The following ZYG11A variants were observed in gnomAD, a reference collection of about 807,000 sequenced individuals.
ZYG11A encodes zyg-11 family member A, cell cycle regulator.
ZYG11A carries 62 observed loss-of-function variants against 77.2 expected under a neutral mutation model. The observed-to-expected ratio is 0.80, with a 90% CI of 0.65 to 0.99. The LOEUF (loss-of-function observed/expected upper bound fraction) is 0.99, where lower values mean the gene tolerates loss of function less well. Ranked by LOEUF, ZYG11A falls within the 50% of genes least tolerant of loss-of-function variation. The pLI is 0.00. For synonymous variants in ZYG11A, 315 were observed against 324.6 expected, an observed-to-expected ratio of 0.97 and a Z score of 0.32; for missense variants, 828 against 896.8, an observed-to-expected ratio of 0.92 and a Z score of 0.98.
chr1:52,871,291 C>T (rs1222974636), intron 8 of ZYG11A, among the ~76,000 whole-genome samples: 1 of 152,102 alleles, frequency 6.6e-6, no homozygotes, highest in Non-Finnish European at 1.5e-5. Flanking sequence ...TCAGCCTCCT[C>T]ACGTTTTTAA....
chr1:52,867,634 T>G lies in ZYG11A; in HGVS notation c.1487T>G (p.Leu496Arg). The G allele has an allele frequency of 6.4e-7, 1 of 1,551,996 alleles. No homozygotes were observed. ...MAVSVTSILA[L>R]QLSPEQTAQL... ...GTGAGTGTCACCTCTATTCTGGCTC[T>G]GCAGGTTTGTGATTTCTTAAAGGCA... Residue 496 changes from leucine to arginine, a missense_variant, in exon 7 of 14, where the codon CTG (leucine) becomes CGG (arginine). Physicochemically the swap from Leu to Arg is moderately radical, Grantham distance 102. Coordinates refer to ENST00000371528, the MANE Select transcript of ZYG11A (RefSeq NM_001004339.3).
intron 13 of ZYG11A, among the ~76,000 whole-genome samples, chr1:52,888,056 C>G (rs966372562): frequency 1.3e-5 from 2 of 152,032 alleles, no homozygotes; most frequent in East Asian, 1.9e-4. Context: ...CAGCAAAAAT[C>G]AGAAAATGTA....
At chr1:52,845,457 C>T (rs1416610508) in intron 1 of ZYG11A, among the ~76,000 whole-genome samples, 1 of 151,734 alleles carries the variant, frequency 6.6e-6, no homozygotes. Flanking sequence ...AAGTGTGTGC[C>T]ACCATTTCCT....
At chr1:52,887,880 G>A (rs1008392599) in intron 13 of ZYG11A, among the ~76,000 whole-genome samples, 7 of 152,186 alleles carry the variant, frequency 4.6e-5, no homozygotes, top group East Asian at 1.9e-4. Flanking sequence ...AGAATTTTCC[G>A]TTGATATCCT....
chr1:52,886,882 G>C (rs1301429485), intron 12 of ZYG11A, 74 bp from the exon 13 acceptor site: 2 of 626,222 alleles, frequency 3.2e-6, no homozygotes, highest in African/African-American at 3.7e-5. Flanking sequence ...TAATTATATA[G>C]TACAAATTAT....
chr1:52,846,256 G>C (rs947497507), intron 1 of ZYG11A, among the ~76,000 whole-genome samples: 12 of 141,382 alleles, frequency 8.5e-5, no homozygotes, highest in Non-Finnish European at 1.5e-4. Context: ...CAGTGCTGCT[G>C]TTCTCAACTA....
At chr1:52,888,391 CTT>C (rs1030222510) in intron 13 of ZYG11A, among the ~76,000 whole-genome samples, 1 of 152,168 alleles carries the variant, frequency 6.6e-6, no homozygotes, top group Non-Finnish European at 1.5e-5. Context: ...GAGTTTCACT[CTT>C]GTTGCCCAGG....
chr1:52,846,342 A>T (rs750525106), intron 1 of ZYG11A, among the ~76,000 whole-genome samples: 60,241 of 103,878 alleles, frequency 0.58, 17,391 homozygotes, highest in Non-Finnish European at 0.64. Context: ...ATATATATAT[A>T]TATATATATA....
chr1:52,858,563 C>A (rs947347520), intron 3 of ZYG11A, among the ~76,000 whole-genome samples: 5 of 151,656 alleles, frequency 3.3e-5, no homozygotes, highest in Admixed American at 2.0e-4. Flanking sequence ...CCTCGGCCTC[C>A]CAAAGTGCTG....
At chr1:52,870,877 G>GGAGGGGGAGGGGGA (rs1646149467) in intron 8 of ZYG11A, among the ~76,000 whole-genome samples, 1 of 150,202 alleles carries the variant, frequency 6.7e-6, no homozygotes, top group Non-Finnish European at 1.5e-5. Context: ...GAGACCGTGG[G>GGAGGGGGAGGGGGA]GAGGGGGAGG....
At chr1:52,884,988 A>C (rs545299240) in intron 11 of ZYG11A, among the ~76,000 whole-genome samples, 9 of 151,448 alleles carry the variant, frequency 5.9e-5, no homozygotes, top group Non-Finnish European at 1.3e-4. Context: ...AGCTCACTGC[A>C]ACCTCTGCCT....
At position 52,877,729 on chromosome 1, in the gene ZYG11A, T is replaced by C; in HGVS notation, c.1590T>C (p.Asp530=). ...VKQKTTENLD[D]VTFLFTLKAL... is the part of the protein sequence containing the mutation. The stretch of plus-strand genomic sequence containing the variant: ...AAAAGACTACTGAGAATTTAGATGA[T>C]GTCACCTTCTTGTTTACTTTGAAAG... Residue 530 remains aspartate (D), a synonymous_variant, in exon 9 of 14, where the codon GAT becomes GAC. Coordinates refer to ENST00000371528, the MANE Select transcript of ZYG11A (RefSeq NM_001004339.3). The C allele has an allele frequency of 6.4e-7, 1 of 1,552,112 alleles. No homozygotes were observed. Among genetic ancestry groups the C allele is most frequent in the Non-Finnish European group, 8.7e-7 (1 of 1,147,042 alleles).
chr1:52,863,092 G>T (rs988770079), intron 4 of ZYG11A, among the ~76,000 whole-genome samples: 1 of 152,148 alleles, frequency 6.6e-6, no homozygotes, highest in African/African-American at 2.4e-5. Flanking sequence ...CTAAATTGCA[G>T]ATGATGGCAA....
intron 1 of ZYG11A, among the ~76,000 whole-genome samples, chr1:52,848,301 C>T (rs1045026530): frequency 1.3e-5 from 2 of 152,156 alleles, no homozygotes; most frequent in African/African-American, 4.8e-5. Context: ...TGCACTCGCC[C>T]GACATGCTTT....
rs548708774 is a variant in ZYG11A, at chr1:52,857,731, T to C, written c.990T>C (p.Thr330=). Residue 330 remains threonine, a synonymous_variant, in exon 3 of 14, where the codon ACT becomes ACC. Coordinates refer to ENST00000371528, the MANE Select transcript of ZYG11A (RefSeq NM_001004339.3). ...ATDAGSSDFF[T]TKQGLRVAGG... is the part of the protein sequence containing the mutation. ...ATGCTGGCTCTTCTGACTTCTTTACTACAAAGCAAGGCTTGAGGGTTTGTT... is the reference window on the plus strand; with the variant it reads ...ATGCTGGCTCTTCTGACTTCTTTACCACAAAGCAAGGCTTGAGGGTTTGTT... 1.4e-5 allele frequency: 21 copies of C among 1,548,996 alleles called. No homozygotes were observed. Among genetic ancestry groups the C allele is most frequent in the Non-Finnish European group, 1.7e-5 (20 of 1,145,684 alleles).
intron 1 of ZYG11A, among the ~76,000 whole-genome samples, chr1:52,853,439 G>A (rs1436504289): frequency 2.0e-5 from 3 of 152,084 alleles, no homozygotes; most frequent in Non-Finnish European, 2.9e-5. Context: ...CATATTTTTT[G>A]AGTGAATGAC....
At chr1:52,881,398 A>AG (rs1471196693) in intron 10 of ZYG11A, 73 bp from the exon 11 acceptor site, 2 of 1,102,108 alleles carry the variant, frequency 1.8e-6, no homozygotes, top group Admixed American at 2.9e-5. Context: ...GAAGCAGGAA[A>AG]GGGAAAAAAG....
intron 1 of ZYG11A, among the ~76,000 whole-genome samples, chr1:52,853,939 A>T (rs1165855919): frequency 1.3e-5 from 2 of 152,142 alleles, no homozygotes; most frequent in Non-Finnish European, 2.9e-5. Context: ...GTTTTTCAAG[A>T]TACAGTATGT....
chr1:52,853,946 ATGT>A (rs1419638383), intron 1 of ZYG11A, among the ~76,000 whole-genome samples: 1 of 152,150 alleles, frequency 6.6e-6, no homozygotes, highest in Non-Finnish European at 1.5e-5. Context: ...AAGATACAGT[ATGT>A]TCTCTCTGAC....
Sources: allele counts gnomAD v4.1 joint callset (sites outside exome capture counted in the v4.1 genomes callset), GRCh38; gene constraint gnomAD v4.1.1; transcripts MANE v1.5; gene names NCBI Gene and HGNC (gene_info 2026-07-23, HGNC 2026-07-21).